CEMIP2: variants seen among roughly 807,000 people sequenced by gnomAD.
CEMIP2 encodes cell surface hyaluronidase CEMIP2.
A neutral mutation model predicts 146.9 loss-of-function variants in CEMIP2; 79 were observed. The observed-to-expected ratio is 0.54, with a 90% CI of 0.45 to 0.65. CEMIP2 has a LOEUF of 0.65. CEMIP2 is among the 30% of genes least tolerant of loss of function. CEMIP2 has a pLI of 0.00. For synonymous variants in CEMIP2, 601 were observed against 606.3 expected, an observed-to-expected ratio of 0.99 and a Z score of 0.13; for missense variants, 1,596 against 1,696.2, an observed-to-expected ratio of 0.94 and a Z score of 1.04.
chr9:71,706,998 T>G (rs1343691654), intron 17 of CEMIP2, among the ~76,000 whole-genome samples: 1 of 152,056 alleles, frequency 6.6e-6, no homozygotes, highest in East Asian at 1.9e-4. Context: ...CTGGCTAATT[T>G]TTTCTATTTA....
intron 21 of CEMIP2, among the ~76,000 whole-genome samples, chr9:71,692,362 C>A (rs1256097547): frequency 1.1e-5 from 1 of 92,126 alleles, no homozygotes; most frequent in Non-Finnish European, 1.9e-5. Flanking sequence ...CTCTCTACCC[C>A]CCATCTCTCT....
intron 11 of CEMIP2, 118 bp from the exon 12 acceptor site, chr9:71,722,633 G>T: frequency 1.5e-6 from 1 of 676,980 alleles, no homozygotes; most frequent in Non-Finnish European, 2.4e-6. Context: ...GTGGGGCAGG[G>T]AATCAACAGC....
At position 71,740,192 on chromosome 9, in the gene CEMIP2, T is replaced by C. The variant is rs1823874944; in HGVS notation, c.1075A>G (p.Thr359Ala). Residue 359 changes from threonine (T) to alanine (A), a missense_variant, in exon 5 of 24, where the codon ACT becomes GCT. Coordinates refer to ENST00000377044, the MANE Select transcript of CEMIP2 (RefSeq NM_013390.3). ...TTTCTCACGGATTCATTGCAAGAAG[T>C]GCTTCCACCATCAATGACACCAACT... ...ALVGVIDGGSTSCNESVRNYE... is the reference protein window; with the variant it reads ...ALVGVIDGGSASCNESVRNYE... The C allele has an allele frequency of 6.2e-6, 10 of 1,613,842 alleles. No individual in the cohort carries two copies. The highest frequency in any genetic ancestry group is 1.6e-4 in the Middle Eastern group (1 of 6,084).
At chr9:71,755,097 G>C (rs964344616) in intron 1 of CEMIP2, among the ~76,000 whole-genome samples, 24 of 151,222 alleles carry the variant, frequency 1.6e-4, no homozygotes, top group African/African-American at 5.8e-4. Context: ...TAATTGGTAA[G>C]AGCATCCACT....
chr9:71,723,128 C>A (rs1361568132), intron 11 of CEMIP2, among the ~76,000 whole-genome samples: 3 of 79,494 alleles, frequency 3.8e-5, no homozygotes, highest in Non-Finnish European at 5.4e-5. Flanking sequence ...GAGCATGGAA[C>A]AGCCAAAGAA....
In CEMIP2 at chr9:71,716,608, GGTAA is replaced by G. The variant is rs1261751418; in HGVS notation, c.2400-60_2400-57del. Reference sequence around the variant, plus strand: ...TAATTTACCATATTATGTAAAAAGAGGTAATTCTCTCAATATTTAATTATCATGA... The same window carrying G: ...TAATTTACCATATTATGTAAAAAGAGTTCTCTCAATATTTAATTATCATGA... On this transcript the variant is annotated intron_variant, in intron 13 of 23. Transcript: ENST00000377044. 4 of 1,374,198 alleles carry G rather than the reference GGTAA, an allele frequency of 2.9e-6. No homozygotes were observed. The African/African-American group carries it at 5.9e-5, about 20-fold the overall frequency. 85.1% of individuals were successfully genotyped at this position (1,374,198 alleles called of 1,614,324 possible). A position where few individuals can be genotyped will look rare whatever the true frequency, so the allele number is the denominator to read the frequency against.
At chr9:71,720,588 G>A (rs1050399848) in intron 12 of CEMIP2, among the ~76,000 whole-genome samples, 3 of 152,302 alleles carry the variant, frequency 2.0e-5, no homozygotes, top group South Asian at 2.1e-4. Context: ...CATCACGCCC[G>A]GCCCTGATTA....
chr9:71,703,594 G>C (rs930023775), intron 18 of CEMIP2, among the ~76,000 whole-genome samples: 1 of 152,114 alleles, frequency 6.6e-6, no homozygotes, highest in African/African-American at 2.4e-5. Flanking sequence ...AATTTTTCAG[G>C]TACATATCTC....
intron 18 of CEMIP2, among the ~76,000 whole-genome samples, chr9:71,703,802 C>A (rs1822645707): frequency 1.3e-5 from 2 of 152,294 alleles, no homozygotes; most frequent in South Asian, 4.1e-4. Flanking sequence ...TTTCCCAACA[C>A]TGTGCTTTTA....
intron 6 of CEMIP2, among the ~76,000 whole-genome samples, chr9:71,732,858 G>A (rs1422440378): frequency 6.6e-6 from 1 of 151,670 alleles, no homozygotes; most frequent in East Asian, 1.9e-4. Flanking sequence ...AGATCATCTA[G>A]TCCAGCCCCC....
chr9:71,760,602 G>A (rs1035824133), intron 1 of CEMIP2, among the ~76,000 whole-genome samples: 6 of 145,094 alleles, frequency 4.1e-5, no homozygotes, highest in East Asian at 1.9e-4. Context: ...AGGCTGATAC[G>A]GCCAAAAGGT....
At chr9:71,698,393 A>G (rs1239338340) in intron 19 of CEMIP2, among the ~76,000 whole-genome samples, 189 bp from the exon 20 acceptor site, 2 of 152,230 alleles carry the variant, frequency 1.3e-5, no homozygotes, top group African/African-American at 4.8e-5. Flanking sequence ...CAAATGCAGT[A>G]ACACTTTAGG....
At chr9:71,698,887 G>T (rs1478886844) in intron 19 of CEMIP2, among the ~76,000 whole-genome samples, 1 of 152,000 alleles carries the variant, frequency 6.6e-6, no homozygotes, top group Non-Finnish European at 1.5e-5. Context: ...AGGAAGTCAA[G>T]ATTCTAAAAA....
At chr9:71,768,109 A>G (rs1244254004) in intron 1 of CEMIP2, among the ~76,000 whole-genome samples, 1 of 152,232 alleles carries the variant, frequency 6.6e-6, no homozygotes, top group Non-Finnish European at 1.5e-5. Context: ...CTTTCTTAAG[A>G]AGAGAGGACT....
Position 71,745,559 on chromosome 9 carries a change from T to C in CEMIP2, c.493A>G (p.Asn165Asp), listed in dbSNP as rs1824063861. The C allele has an allele frequency of 6.2e-7, 1 of 1,607,588 alleles. No homozygotes were observed. Among genetic ancestry groups the C allele is most frequent in the South Asian group, 1.1e-5 (1 of 90,964 alleles). ...QDGGLLVFGD[N>D]KDGSRNITLR... ...GTAATATTTCTGGATCCATCTTTATTGTCCCCAAATACAAGCAGTCCTGCA... is the reference window on the plus strand; with the variant it reads ...GTAATATTTCTGGATCCATCTTTATCGTCCCCAAATACAAGCAGTCCTGCA... The change falls in exon 4 of 24, where the codon AAT (asparagine) becomes GAT (aspartate). Residue 165 changes from asparagine (N) to aspartate (D), a missense_variant. Coordinates refer to ENST00000377044, the MANE Select transcript of CEMIP2 (RefSeq NM_013390.3).
chr9:71,691,652 A>G (rs1002031799), intron 21 of CEMIP2, among the ~76,000 whole-genome samples: 2 of 152,086 alleles, frequency 1.3e-5, no homozygotes, highest in African/African-American at 4.8e-5. Flanking sequence ...CCTGTTGCTT[A>G]AAAAACCCAC....
At chr9:71,687,680 A>T (rs1458892215) in intron 22 of CEMIP2, among the ~76,000 whole-genome samples, 1 of 152,080 alleles carries the variant, frequency 6.6e-6, no homozygotes, top group Non-Finnish European at 1.5e-5. Flanking sequence ...AATTAGAAAA[A>T]TAATAAAATT....
chr9:71,733,521 A>G (rs946154925), intron 6 of CEMIP2, among the ~76,000 whole-genome samples: 2 of 152,214 alleles, frequency 1.3e-5, no homozygotes, highest in African/African-American at 2.4e-5. Flanking sequence ...AAGCACAGGG[A>G]AAAAAGGCCA....
At position 71,756,506 on chromosome 9, in the gene CEMIP2, T is replaced by TCTCA. The variant is rs1010879160; in HGVS notation, c.-12-6122_-12-6121insTGAG. Among the ~76,000 whole-genome samples the TCTCA allele has an allele frequency of 7.3e-3, 820 of 112,506 alleles. 11 individuals are homozygous for TCTCA. Among genetic ancestry groups the TCTCA allele is most frequent in the African/African-American group, 0.025 (748 of 29,348 alleles). 73.8% of individuals were successfully genotyped at this position (112,506 alleles called of 152,430 possible). On this transcript the variant is annotated intron_variant, in intron 1 of 23. Transcript: ENST00000377044. ...CTCTCTCTCTCTCTCTCTCTCTCTC[T>TCTCA]CACACACACACACACACACACACAC...
Sources: allele counts gnomAD v4.1 joint callset (sites outside exome capture counted in the v4.1 genomes callset), GRCh38; gene constraint gnomAD v4.1.1; transcripts MANE v1.5; gene names NCBI Gene and HGNC (gene_info 2026-07-23, HGNC 2026-07-21).